UNC13B: variants seen among roughly 807,000 people sequenced by gnomAD.
UNC13B encodes the protein unc-13 homolog B.
Under a neutral mutation model 211.0 loss-of-function variants are expected in UNC13B, and 144 were observed. That is an observed-to-expected ratio of 0.68 (90% CI 0.60 to 0.78). The LOEUF is 0.78. UNC13B is among the 30% of genes least tolerant of loss of function. The probability of loss-of-function intolerance (pLI) is 0.00; values close to 1 mark genes in which losing one functional copy is unlikely to be tolerated. For missense variants in UNC13B, 1,777 were observed against 2,002.0 expected (o/e 0.89, Z 2.14); for synonymous variants, 709 against 725.8 (o/e 0.98, Z 0.37).
chr9:35,258,586 A>G (rs1827075036), intron 6 of UNC13B, among the ~76,000 whole-genome samples: 1 of 152,194 alleles, frequency 6.6e-6, no homozygotes, highest in Non-Finnish European at 1.5e-5. Flanking sequence ...AAAAATGAGA[A>G]AACAGCCCCA....
chr9:35,226,706 C>G (rs1226514430), intron 1 of UNC13B, among the ~76,000 whole-genome samples: 1 of 152,214 alleles, frequency 6.6e-6, no homozygotes, highest in Non-Finnish European at 1.5e-5. Flanking sequence ...GGTCTGTCTT[C>G]TCCTTCCGCG....
intron 22 of UNC13B, 129 bp downstream of exon 22, chr9:35,384,443 T>TAA: frequency 6.9e-7 from 1 of 1,446,912 alleles, no homozygotes; most frequent in African/African-American, 1.4e-5. Context: ...TCCACCCAAA[T>TAA]GGCCAATGCT....
intron 7 of UNC13B, among the ~76,000 whole-genome samples, chr9:35,269,279 G>A (rs148059907): frequency 1.5e-3 from 231 of 152,272 alleles, no homozygotes; most frequent in Admixed American, 2.9e-3. Flanking sequence ...TGGTATTACC[G>A]ATTGATTAAA....
rs201643678 is a variant in UNC13B at position 35,403,557 on chromosome 9, A to G, written c.12695A>G (p.Lys4232Arg). 1.1e-3 allele frequency: 1,799 copies of G among 1,613,004 alleles called. 22 individuals carry two copies. The South Asian group carries it at 0.015, about 14-fold the overall frequency. ...DKKRKFTTKSKSNNWAPKYNE... is the reference protein window; with the variant it reads ...DKKRKFTTKSRSNNWAPKYNE... ...AAGAGGAAGTTCACAACCAAATCCAAAAGCAACAACTGGGCCCCCAAGTAC... is the reference window on the plus strand; with the variant it reads ...AAGAGGAAGTTCACAACCAAATCCAGAAGCAACAACTGGGCCCCCAAGTAC... The change falls in exon 39 of 40, where the codon AAA (lysine) becomes AGA (arginine). Residue 4232 changes from lysine (K) to arginine (R), a missense_variant. Coordinates refer to ENST00000635942, the MANE Select transcript of UNC13B (RefSeq NM_001371189.2).
intron 7 of UNC13B, among the ~76,000 whole-genome samples, chr9:35,286,127 G>A (rs1828777511): frequency 6.6e-6 from 1 of 151,900 alleles, no homozygotes; most frequent in African/African-American, 2.4e-5. Flanking sequence ...GAATTTTATG[G>A]ATACTAGGAA....
chr9:35,209,265 T>C (rs1344612511), intron 1 of UNC13B, among the ~76,000 whole-genome samples: 1 of 152,190 alleles, frequency 6.6e-6, no homozygotes, highest in Non-Finnish European at 1.5e-5. Context: ...GGTTTTACCA[T>C]GTTGGCCAGG....
At chr9:35,199,937 T>A (rs1204812104) in intron 1 of UNC13B, among the ~76,000 whole-genome samples, 9 of 152,196 alleles carry the variant, frequency 5.9e-5, no homozygotes, top group African/African-American at 1.7e-4. Flanking sequence ...CTGAATGGTA[T>A]TGCCTAGGTT....
intron 11 of UNC13B, among the ~76,000 whole-genome samples, chr9:35,316,406 T>C (rs750629678): frequency 6.6e-6 from 1 of 152,172 alleles, no homozygotes; most frequent in Non-Finnish European, 1.5e-5. Flanking sequence ...ATTTGACCCT[T>C]CAGGGAGAAG....
chr9:35,378,379 A>G lies in UNC13B; in HGVS notation c.10148A>G (p.Lys3383Arg), dbSNP rs201487370. 2.1e-4 allele frequency: 335 copies of G among 1,614,040 alleles called. 1 individual carries two copies. Among genetic ancestry groups the G allele is most frequent in the Middle Eastern group, 8.2e-4 (5 of 6,084 alleles). ...YVTVQVSKTK[K>R]RTKTIFGNLN... Reference sequence around the variant, plus strand: ...ACTGTGCAAGTCAGCAAAACTAAGAAGCGTACCAAGACCATTTTTGGAAAC... The same window carrying G: ...ACTGTGCAAGTCAGCAAAACTAAGAGGCGTACCAAGACCATTTTTGGAAAC... Residue 3383 changes from lysine (K) to arginine (R), a missense_variant, in exon 17 of 40, where the codon AAG becomes AGG. By Grantham distance (26) the Lys-to-Arg change is conservative (BLOSUM62 2). Transcript: ENST00000635942.
At position 35,212,440 on chromosome 9, in the gene UNC13B, G is replaced by T. The variant is rs184050725; in HGVS notation, c.23-15575G>T. On this transcript the variant is annotated intron_variant, in intron 1 of 39. Transcript: ENST00000635942. ...ATACAAAAATTAGCCAAGCACAGTGGCGTGTGCCTGTAGTCCCAGCCACTC... is the reference window on the plus strand; with the variant it reads ...ATACAAAAATTAGCCAAGCACAGTGTCGTGTGCCTGTAGTCCCAGCCACTC... Among the ~76,000 whole-genome samples the T allele has an allele frequency of 2.6e-5, 4 of 152,268 alleles. No individual in the cohort carries two copies. The South Asian group carries it at 6.2e-4, about 24-fold the overall frequency.
chr9:35,289,067 A>T (rs982006266), intron 7 of UNC13B, among the ~76,000 whole-genome samples: 8 of 152,212 alleles, frequency 5.3e-5, no homozygotes, highest in Admixed American at 1.3e-4. Flanking sequence ...TACAATTTTA[A>T]AATGGCACAC....
intron 12 of UNC13B, among the ~76,000 whole-genome samples, chr9:35,369,105 T>A (rs1269138213): frequency 6.6e-6 from 1 of 152,236 alleles, no homozygotes; most frequent in Non-Finnish European, 1.5e-5. Context: ...CAAAGCCTAC[T>A]GCCTATGTTC....
intron 1 of UNC13B, among the ~76,000 whole-genome samples, chr9:35,202,393 C>G (rs1823359700): frequency 2.0e-5 from 3 of 152,128 alleles, no homozygotes; most frequent in Admixed American, 2.0e-4. Context: ...AGTTCAATTC[C>G]TGGATATCCT....
chr9:35,333,384 T>C (rs1156725513), intron 11 of UNC13B, among the ~76,000 whole-genome samples: 1 of 152,234 alleles, frequency 6.6e-6, no homozygotes, highest in Non-Finnish European at 1.5e-5. Context: ...AACCTTAGGC[T>C]TAGGCAAGTT....
At chr9:35,321,497 A>G (rs532686223) in intron 11 of UNC13B, among the ~76,000 whole-genome samples, 1 of 152,316 alleles carries the variant, frequency 6.6e-6, no homozygotes, top group African/African-American at 2.4e-5. Context: ...GATTACAGGC[A>G]TGAGCCCTCA....
At chr9:35,386,729 C>G (rs1210131640) in intron 24 of UNC13B, among the ~76,000 whole-genome samples, 1 of 152,118 alleles carries the variant, frequency 6.6e-6, no homozygotes, top group Non-Finnish European at 1.5e-5. Context: ...CCTCTAATTA[C>G]TTCTCTCTGA....
intron 7 of UNC13B, among the ~76,000 whole-genome samples, chr9:35,288,667 T>C (rs755103826): frequency 5.9e-5 from 9 of 152,224 alleles, no homozygotes; most frequent in Non-Finnish European, 8.8e-5. Flanking sequence ...AGCTGGCTTG[T>C]CAGAGAACAT....
chr9:35,204,036 G>A (rs1823493055), intron 1 of UNC13B, among the ~76,000 whole-genome samples: 1 of 152,260 alleles, frequency 6.6e-6, no homozygotes, highest in Admixed American at 6.5e-5. Flanking sequence ...GCACTGCACA[G>A]CTCCATGCAT....
In UNC13B at chr9:35,364,288, G is replaced by GCCTT. The variant is rs1372333330; in HGVS notation, c.9415-2659_9415-2658insCCTT. ...GGAAAAGGATGACTGGAACCCCTGG[G>GCCTT]TAGATTTTGTCCCTTGATTTAGTTT... On this transcript the variant is annotated intron_variant, in intron 11 of 39. Transcript: ENST00000635942. 1.5e-5 allele frequency among the ~76,000 whole-genome samples: 2 copies of GCCTT among 130,608 alleles called. 1 individual carries two copies. Among genetic ancestry groups the GCCTT allele is most frequent in the African/African-American group, 9.3e-5 (2 of 21,488 alleles). 85.7% of individuals were successfully genotyped at this position (130,608 alleles called of 152,430 possible).
Sources: gnomAD v4.1 joint callset for allele counts (sites outside exome capture counted in the v4.1 genomes callset) on GRCh38, gnomAD v4.1.1 for gene constraint, MANE v1.5 for transcripts, NCBI Gene and HGNC (gene_info 2026-07-23, HGNC 2026-07-21) for gene names.